Variants in MED29 observed in about 807,000 individuals in gnomAD.
The protein encoded by MED29 is mediator complex subunit 29.
MED29 carries 14 observed loss-of-function variants against 22.0 expected under a neutral mutation model. That is an observed-to-expected ratio of 0.64 (90% CI 0.42 to 0.99). MED29 has a LOEUF of 0.99. Ranked by LOEUF, MED29 falls within the 50% of genes least tolerant of loss-of-function variation. The probability of loss-of-function intolerance (pLI) is 0.00; values close to 1 mark genes in which losing one functional copy is unlikely to be tolerated. For missense variants in MED29, 241 were observed against 253.7 expected (o/e 0.95, Z 0.34); for synonymous variants, 123 against 107.8 (o/e 1.14, Z -0.87).
At chr19:39,392,351 C>A in intron 1 of MED29, 113 bp from the exon 2 acceptor site, 1 of 884,382 alleles carries the variant, frequency 1.1e-6, no homozygotes, top group Non-Finnish European at 1.8e-6. Flanking sequence ...AGGGAAGGTG[C>A]CAGTTGAAAA....
At position 39,400,147 on chromosome 19, in the gene MED29, G is replaced by A. The variant is rs1056767458; in HGVS notation, c.*2448G>A. ...TAATCCCATCACTTTGGGAGGTGCAGGCAGGCAGATGGCTTGAGCCCAGGA... is the reference window on the plus strand; with the variant it reads ...TAATCCCATCACTTTGGGAGGTGCAAGCAGGCAGATGGCTTGAGCCCAGGA... On this transcript the variant is annotated 3_prime_UTR_variant, in exon 4 of 4. Coordinates refer to ENST00000315588, the MANE Select transcript of MED29 (RefSeq NM_017592.4). The A allele has an allele frequency of 6.6e-6, 1 of 152,290 alleles. No individual in the cohort carries two copies. Among genetic ancestry groups the A allele is most frequent in the Non-Finnish European group, 1.5e-5 (1 of 68,062 alleles). 9.4% of individuals were successfully genotyped at this position (152,290 alleles called of 1,614,324 possible). A position where few individuals can be genotyped will look rare whatever the true frequency, so the allele number is the denominator to read the frequency against.
chr19:39,394,120 A>G (rs929482061), intron 3 of MED29, among the ~76,000 whole-genome samples: 2 of 152,264 alleles, frequency 1.3e-5, no homozygotes, highest in African/African-American at 4.8e-5. Context: ...TGCACCATCA[A>G]TCTCTACCTC....
chr19:39,393,072 CTTTCT>C (rs1271723083), intron 2 of MED29, among the ~76,000 whole-genome samples: 4 of 86,142 alleles, frequency 4.6e-5, no homozygotes, highest in African/African-American at 9.2e-5. Context: ...TTCTTTCTTT[CTTTCT>C]TTTCTTTTTT....
At chr19:39,394,624 C>T (rs547220607) in intron 3 of MED29, among the ~76,000 whole-genome samples, 6 of 132,632 alleles carry the variant, frequency 4.5e-5, no homozygotes, top group South Asian at 2.4e-4. Context: ...AGTACAGTGG[C>T]GCGACTTCAG....
In MED29 at chr19:39,392,482, G is replaced by A. The variant is rs1224491579; in HGVS notation, c.235G>A (p.Ala79Thr). ...ESLQTLMKVA[A>T]QNLIQNTNID... ...TGACTAGACCTTGATGAAGGTTGCG[G>A]CCCAAAACTTGATTCAGAACACTAA... The change falls in exon 2 of 4, where the codon GCC (alanine) becomes ACC (threonine). Residue 79 changes from alanine to threonine, a missense_variant. Physicochemically the swap from Ala to Thr is moderately conservative, Grantham distance 58. Coordinates refer to ENST00000315588, the MANE Select transcript of MED29 (RefSeq NM_017592.4). 2 of 1,614,006 alleles carry A rather than the reference G, an allele frequency of 1.2e-6. No homozygotes were observed. Among genetic ancestry groups the A allele is most frequent in the South Asian group, 2.2e-5 (2 of 91,078 alleles).
intron 1 of MED29, 32 bp downstream of exon 1, chr19:39,391,670 GGA>G: frequency 6.5e-7 from 1 of 1,545,376 alleles, no homozygotes; most frequent in Non-Finnish European, 8.7e-7. Flanking sequence ...GAAGCAAACT[GGA>G]TTTGGTAGTC....
At chr19:39,391,751 G>A in intron 1 of MED29, 113 bp downstream of exon 1, 43 of 1,312,926 alleles carry the variant, frequency 3.3e-5, no homozygotes, top group Non-Finnish European at 4.2e-5. Flanking sequence ...AGAACCTGCT[G>A]TTTTGGCCTG....
At position 39,391,387 on chromosome 19, in the gene MED29, A is replaced by C. The variant is rs1474798441; in HGVS notation, c.-36A>C. 1.2e-6 allele frequency: 2 copies of C among 1,603,252 alleles called. No individual in the cohort carries two copies. The highest frequency in any genetic ancestry group is 2.7e-5 in the African/African-American group (2 of 74,846). On this transcript the variant is annotated 5_prime_UTR_variant, in exon 1 of 4. Transcript: ENST00000315588. The stretch of plus-strand genomic sequence containing the variant: ...GCTGAAAAGCAACGGGGAGAGACGC[A>C]GTCGTAACGCACTTCCGGCGGTCTA...
At chr19:39,394,005 G>C (rs1174212825) in intron 3 of MED29, among the ~76,000 whole-genome samples, 4 of 152,104 alleles carry the variant, frequency 2.6e-5, no homozygotes, top group Non-Finnish European at 4.4e-5. Flanking sequence ...CTTAGGGAAG[G>C]CTACTGCTAG....
Position 39,397,741 on chromosome 19 carries a change from G to T in MED29, c.*42G>T. ...TGGGGCAGGCAGTGGTTGGTGGGTG[G>T]TGTGCAAAGGGAATGAAGAGCGTCC... On this transcript the variant is annotated 3_prime_UTR_variant, in exon 4 of 4. Coordinates refer to ENST00000315588, the MANE Select transcript of MED29 (RefSeq NM_017592.4). The T allele has an allele frequency of 6.3e-7, 1 of 1,590,996 alleles. No homozygotes were observed. Among genetic ancestry groups the T allele is most frequent in the African/African-American group, 1.3e-5 (1 of 74,902 alleles).
At chr19:39,394,920 G>A (rs2078420123) in intron 3 of MED29, among the ~76,000 whole-genome samples, 2 of 151,222 alleles carry the variant, frequency 1.3e-5, no homozygotes, top group African/African-American at 4.9e-5. Flanking sequence ...GACTGCAGTG[G>A]CACAGTCTCG....
At chr19:39,392,623 A>ATT in intron 2 of MED29, 101 bp downstream of exon 2, 1 of 619,046 alleles carries the variant, frequency 1.6e-6, no homozygotes, top group South Asian at 4.0e-5. Flanking sequence ...TTCTATATTT[A>ATT]CTTTTTTTTT....
rs73547948 is a variant in MED29 at position 39,400,488 on chromosome 19, A to G, written c.*2789A>G. On this transcript the variant is annotated 3_prime_UTR_variant, in exon 4 of 4. Coordinates refer to ENST00000315588, the MANE Select transcript of MED29 (RefSeq NM_017592.4). ...TAATTAAATCATACTTAGCAAATCTAACACATGAAATGTAACATCTGCATA... is the reference window on the plus strand; with the variant it reads ...TAATTAAATCATACTTAGCAAATCTGACACATGAAATGTAACATCTGCATA... The G allele has an allele frequency of 5.3e-5, 8 of 152,356 alleles. No individual in the cohort carries two copies. The highest frequency in any genetic ancestry group is 1.9e-4 in the African/African-American group (8 of 41,574). 9.4% of individuals were successfully genotyped at this position (152,356 alleles called of 1,614,324 possible).
chr19:39,392,579 A>T, intron 2 of MED29, 57 bp downstream of exon 2: 1 of 1,477,604 alleles, frequency 6.8e-7, no homozygotes, highest in East Asian at 2.3e-5. Flanking sequence ...TTTGAAATTC[A>T]TCTTTCCTTC....
At chr19:39,392,900 T>C (rs1443569125) in intron 2 of MED29, 1 of 192,070 alleles carries the variant, frequency 5.2e-6, no homozygotes, top group Non-Finnish European at 1.1e-5. Context: ...GAATCACTTC[T>C]CCTATTTTAT....
intron 3 of MED29, among the ~76,000 whole-genome samples, chr19:39,394,556 C>CTTTTT (rs775465635): frequency 1.4e-5 from 1 of 69,210 alleles, no homozygotes; most frequent in Non-Finnish European, 2.5e-5. Flanking sequence ...TGCACCCGGC[C>CTTTTT]TTTTTTTTTT....
rs200563568 is a variant in MED29 at position 39,391,409 on chromosome 19, T to C, written c.-14T>C. 9 of 1,609,642 alleles carry C rather than the reference T, an allele frequency of 5.6e-6. No individual in the cohort carries two copies. The highest frequency in any genetic ancestry group is 5.5e-5 in the South Asian group (5 of 90,934). ...CGCAGTCGTAACGCACTTCCGGCGG[T>C]CTACGCGAGGAAGATGGCTGCATCC... On this transcript the variant is annotated 5_prime_UTR_variant, in exon 1 of 4. Coordinates refer to ENST00000315588, the MANE Select transcript of MED29 (RefSeq NM_017592.4).
Position 39,392,494 on chromosome 19 carries a change from A to AT in MED29, c.249dup (p.Gln84SerfsTer4), listed in dbSNP as rs764450140. ...GATGAAGGTTGCGGCCCAAAACTTG[A>AT]TTCAGAACACTAACATCGACAATGG... is the stretch of plus-strand genomic sequence containing the variant. On this transcript the variant is annotated frameshift_variant, in exon 2 of 4. Transcript: ENST00000315588. LOFTEE classifies it high-confidence loss of function. The AT allele has an allele frequency of 1.2e-6, 2 of 1,614,048 alleles. No homozygotes were observed. Among genetic ancestry groups the AT allele is most frequent in the Admixed American group, 3.3e-5 (2 of 60,000 alleles).
In MED29 at chr19:39,400,378, T is replaced by TA. The variant is rs1194897619; in HGVS notation, c.*2686dup. ...TTGGTTCATGGAGACCCTGTTTTTT[T>TA]AAAAAAAGAAGTGGAGGTGTTTACA... On this transcript the variant is annotated 3_prime_UTR_variant, in exon 4 of 4. Coordinates refer to ENST00000315588, the MANE Select transcript of MED29 (RefSeq NM_017592.4). 2 of 152,076 alleles carry TA rather than the reference T, an allele frequency of 1.3e-5. No individual in the cohort carries two copies. Among genetic ancestry groups the TA allele is most frequent in the Non-Finnish European group, 1.5e-5 (1 of 68,012 alleles). The allele number at this position is 152,076 out of a possible 1,614,324, so 9.4% of individuals were successfully genotyped here.
Sources: allele counts gnomAD v4.1 joint callset (sites outside exome capture counted in the v4.1 genomes callset), GRCh38; gene constraint gnomAD v4.1.1; transcripts MANE v1.5; gene names NCBI Gene and HGNC (gene_info 2026-07-23, HGNC 2026-07-21).